The following INTS4 variants were observed in gnomAD, a reference collection of about 807,000 sequenced individuals.
INTS4 encodes integrator complex subunit 4, also known as MSTP093.
Under a neutral mutation model 119.5 loss-of-function variants are expected in INTS4, and 70 were observed. The ratio of observed to expected loss-of-function variants is 0.59; its 90% CI spans 0.48 to 0.71. INTS4 has a LOEUF of 0.71. Among genes scored for constraint, INTS4 ranks in the 30% least tolerant of loss-of-function variants. The pLI is 0.00. For synonymous variants in INTS4, 316 were observed against 419.6 expected, an observed-to-expected ratio of 0.75 and a Z score of 3.02; for missense variants, 867 against 1,173.2, an observed-to-expected ratio of 0.74 and a Z score of 3.81.
chr11:77,969,355 G>A (rs1255252636), intron 4 of INTS4, among the ~76,000 whole-genome samples: 11 of 151,870 alleles, frequency 7.2e-5, no homozygotes, highest in East Asian at 3.9e-4. Flanking sequence ...ATGTATAGGC[G>A]TATGTATGTA....
intron 4 of INTS4, among the ~76,000 whole-genome samples, chr11:77,976,028 C>G (rs1394596030): frequency 6.6e-6 from 1 of 150,676 alleles, no homozygotes; most frequent in Non-Finnish European, 1.5e-5. Flanking sequence ...GCTTAACTGG[C>G]AAAGGACATA....
rs114149247 is a variant in INTS4 at position 77,911,699 on chromosome 11, T to C, written c.1923-3889A>G. ...TCTCTTTATCTCTTTATGCTCACAA[T>C]TCTCAGGAAGCCTCAGTCTAGACAT... On this transcript the variant is annotated intron_variant, in intron 15 of 22. Transcript: ENST00000534064. Among the ~76,000 whole-genome samples, 635 of 152,352 alleles carry C rather than the reference T, an allele frequency of 4.2e-3. 3 individuals are homozygous for C. The highest frequency in any genetic ancestry group is 0.015 in the African/African-American group (607 of 41,580).
intron 12 of INTS4, among the ~76,000 whole-genome samples, chr11:77,924,056 C>T (rs529089115): frequency 6.7e-6 from 1 of 150,050 alleles, no homozygotes; most frequent in Non-Finnish European, 1.5e-5. Flanking sequence ...TGAGCCACTG[C>T]ACCCAGCCAA....
At chr11:77,884,358 C>A (rs931944990) in intron 21 of INTS4, among the ~76,000 whole-genome samples, 6 of 152,210 alleles carry the variant, frequency 3.9e-5, no homozygotes, top group Admixed American at 3.3e-4. Flanking sequence ...ATTCTTTCCA[C>A]TACATTGCAA....
chr11:77,906,071 G>A (rs1346911880), intron 16 of INTS4, among the ~76,000 whole-genome samples: 1 of 151,834 alleles, frequency 6.6e-6, no homozygotes, highest in African/African-American at 2.4e-5. Context: ...ATATTTTGGG[G>A]ATTTTGATAT....
intron 18 of INTS4, among the ~76,000 whole-genome samples, chr11:77,896,470 T>G (rs1234017066): frequency 6.6e-6 from 1 of 151,980 alleles, no homozygotes; most frequent in Non-Finnish European, 1.5e-5. Flanking sequence ...TGACCAAACA[T>G]GGAGAAACCC....
intron 2 of INTS4, among the ~76,000 whole-genome samples, chr11:77,984,968 C>G (rs565389884): frequency 1.3e-5 from 2 of 150,986 alleles, no homozygotes; most frequent in Admixed American, 1.3e-4. Context: ...ATTCCTTATC[C>G]ATTTGGATAC....
intron 1 of INTS4, 121 bp downstream of exon 1, chr11:77,994,469 T>G (rs1856819581): frequency 1.3e-6 from 1 of 762,640 alleles, no homozygotes; most frequent in East Asian, 2.5e-5. Flanking sequence ...TATCAGAGAT[T>G]ATCAACAAGT....
chr11:77,980,959 C>G (rs1856186156), intron 3 of INTS4, among the ~76,000 whole-genome samples: 1 of 151,742 alleles, frequency 6.6e-6, no homozygotes, highest in Admixed American at 6.6e-5. Flanking sequence ...TGCCACTGCA[C>G]TCCAGCCTGG....
intron 10 of INTS4, among the ~76,000 whole-genome samples, chr11:77,932,227 T>A (rs1171190593): frequency 8.8e-5 from 13 of 147,026 alleles, no homozygotes; most frequent in Non-Finnish European, 1.8e-4. Context: ...TACAAGGAAC[T>A]TAAACAAATT....
At chr11:77,915,100 CTATCACTGCAAAGCAGTGA>C (rs1234564005) in intron 15 of INTS4, 1 of 178,702 alleles carries the variant, frequency 5.6e-6, no homozygotes, top group Non-Finnish European at 1.2e-5. Flanking sequence ...TTGGCTGATG[CTATCACTGCAAAGCAGTGA>C]TATGTGTGAG....
intron 17 of INTS4, among the ~76,000 whole-genome samples, chr11:77,902,168 A>G: frequency 6.6e-6 from 1 of 152,130 alleles, no homozygotes; most frequent in African/African-American, 2.4e-5. Context: ...ATGACTCCAG[A>G]CTCTCTTACA....
chr11:77,874,595 T>C (rs963092938), downstream of INTS4, among the ~76,000 whole-genome samples: 1 of 152,180 alleles, frequency 6.6e-6, no homozygotes, highest in African/African-American at 2.4e-5. Context: ...TGGTTAACGA[T>C]GGAAATATGT....
chr11:77,974,709 C>T (rs1334821506), intron 4 of INTS4, among the ~76,000 whole-genome samples: 1 of 151,656 alleles, frequency 6.6e-6, no homozygotes, highest in Non-Finnish European at 1.5e-5. Flanking sequence ...CACAGCGATC[C>T]TCCCATCTCA....
At chr11:77,947,847 CT>C (rs906088202) in intron 8 of INTS4, among the ~76,000 whole-genome samples, 46 of 151,586 alleles carry the variant, frequency 3.0e-4, no homozygotes, top group East Asian at 3.9e-4. Flanking sequence ...AACTGCAAGA[CT>C]TTTTTTTTCC....
chr11:77,909,097 G>A (rs1247146774), intron 15 of INTS4, among the ~76,000 whole-genome samples: 2 of 152,130 alleles, frequency 1.3e-5, no homozygotes, highest in African/African-American at 4.8e-5. Flanking sequence ...TCTGTCTCTC[G>A]CCGGACTGGG....
At chr11:77,991,354 C>T (rs1359516022) in intron 1 of INTS4, 55 bp from the exon 2 acceptor site, 1 of 1,371,824 alleles carries the variant, frequency 7.3e-7, no homozygotes, top group Non-Finnish European at 1.0e-6. Context: ...AACTTTGCCT[C>T]ATTTGGTGGA....
chr11:77,928,298 G>C (rs369543847), intron 11 of INTS4, 44 bp downstream of exon 11: 3 of 1,599,050 alleles, frequency 1.9e-6, no homozygotes, highest in Middle Eastern at 1.7e-4. Flanking sequence ...TTAACAGGGG[G>C]GGGTGAGGGA....
intron 15 of INTS4, 96 bp from the exon 16 acceptor site, chr11:77,907,906 T>C (rs1952999471): frequency 6.8e-6 from 5 of 737,658 alleles, no homozygotes; most frequent in Non-Finnish European, 1.1e-5. Flanking sequence ...TTATACCTAG[T>C]AAACAGTCAT....
Sources: allele counts gnomAD v4.1 joint callset (sites outside exome capture counted in the v4.1 genomes callset), GRCh38; gene constraint gnomAD v4.1.1; transcripts MANE v1.5; gene names NCBI Gene and HGNC (gene_info 2026-07-23, HGNC 2026-07-21).